Variants in SH3BGRL2 observed in about 807,000 individuals in gnomAD.
SH3BGRL2 encodes SH3 domain-binding glutamic acid-rich-like protein 2.
Under a neutral mutation model 14.8 loss-of-function variants are expected in SH3BGRL2, and 21 were observed. That is an observed-to-expected ratio of 1.42 (90% confidence interval 1.01 to 2.05). The LOEUF (loss-of-function observed/expected upper bound fraction) is 2.05. SH3BGRL2 is among the 30% of genes most tolerant of loss of function. SH3BGRL2 has a pLI of 0.00. For missense variants in SH3BGRL2, 147 were observed against 130.8 expected, an observed-to-expected ratio of 1.12 and a Z score of -0.61; for synonymous variants, 50 against 47.8, an observed-to-expected ratio of 1.05 and a Z score of -0.19.
the SH3BGRL2 span, among the ~76,000 whole-genome samples, chr6:79,554,271 G>A: frequency 4.6e-5 from 7 of 152,066 alleles, no homozygotes; most frequent in African/African-American, 7.2e-5. Context: ...TATCTAATGC[G>A]TTTAAAAAAA....
chr6:79,681,411 T>C (rs1056814283), intron 2 of SH3BGRL2, among the ~76,000 whole-genome samples: 6 of 152,096 alleles, frequency 3.9e-5, no homozygotes, highest in African/African-American at 7.2e-5. Flanking sequence ...TTTTTACTAG[T>C]TTTGTGAAGT....
chr6:79,697,972 C>G (rs1406670215), intron 3 of SH3BGRL2, among the ~76,000 whole-genome samples: 1 of 152,190 alleles, frequency 6.6e-6, no homozygotes, highest in Non-Finnish European at 1.5e-5. Context: ...AATGTATTTT[C>G]TCACCAGTTT....
chr6:79,561,234 CTT>C, the SH3BGRL2 span: 4 of 151,628 alleles, frequency 2.6e-5, no homozygotes, highest in African/African-American at 7.3e-5. Context: ...ATTTAATACT[CTT>C]AATAATACTA....
the SH3BGRL2 span, among the ~76,000 whole-genome samples, chr6:79,543,027 C>T: frequency 6.6e-6 from 1 of 152,136 alleles, no homozygotes; most frequent in South Asian, 2.1e-4. Context: ...ATGAAGATGA[C>T]CTCATGATCT....
the SH3BGRL2 span, among the ~76,000 whole-genome samples, chr6:79,541,514 C>T: frequency 6.6e-6 from 1 of 152,136 alleles, no homozygotes; most frequent in African/African-American, 2.4e-5. Flanking sequence ...CTTTCCCTTC[C>T]AGGTATGGCC....
chr6:79,681,929 G>A (rs751636825), intron 2 of SH3BGRL2, among the ~76,000 whole-genome samples: 8 of 151,636 alleles, frequency 5.3e-5, no homozygotes, highest in East Asian at 2.0e-4. Flanking sequence ...TCCAGCCTGG[G>A]GGACAGAGTG....
At chr6:79,569,819 A>G in the SH3BGRL2 span, among the ~76,000 whole-genome samples, 1 of 152,164 alleles carries the variant, frequency 6.6e-6, no homozygotes, top group East Asian at 1.9e-4. Flanking sequence ...GTCCGAATGC[A>G]TACCTACAGT....
intron 2 of SH3BGRL2, among the ~76,000 whole-genome samples, chr6:79,678,802 A>G (rs531256677): frequency 4.6e-5 from 7 of 152,204 alleles, no homozygotes; most frequent in East Asian, 1.9e-4. Flanking sequence ...CGCAGTGTCA[A>G]TTGTTTGCAT....
intron 2 of SH3BGRL2, among the ~76,000 whole-genome samples, chr6:79,683,743 G>A (rs528757107): frequency 2.6e-4 from 39 of 152,266 alleles, no homozygotes; most frequent in South Asian, 8.3e-4. Context: ...CACCGTGCTC[G>A]GCCGTAAACA....
At chr6:79,547,497 A>T in the SH3BGRL2 span, among the ~76,000 whole-genome samples, 3 of 152,170 alleles carry the variant, frequency 2.0e-5, no homozygotes, top group South Asian at 2.1e-4. Flanking sequence ...GAACATGCTG[A>T]ACTGGAGTGA....
chr6:79,593,462 T>C, the SH3BGRL2 span, among the ~76,000 whole-genome samples: 8 of 152,092 alleles, frequency 5.3e-5, no homozygotes, highest in Non-Finnish European at 1.2e-4. Context: ...AGAGGCAGCG[T>C]TGAGGAAACA....
intron 1 of SH3BGRL2, among the ~76,000 whole-genome samples, chr6:79,638,668 AT>A (rs1300170815): frequency 1.3e-5 from 2 of 151,906 alleles, no homozygotes; most frequent in African/African-American, 4.8e-5. Context: ...TTTCATTATC[AT>A]TTTGATTTGC....
the SH3BGRL2 span, among the ~76,000 whole-genome samples, chr6:79,613,620 C>CT: frequency 1.7e-4 from 26 of 150,308 alleles, no homozygotes; most frequent in African/African-American, 3.9e-4. Context: ...CTTTTTTTTT[C>CT]TTTTTTTTGA....
At chr6:79,594,535 G>T in the SH3BGRL2 span, among the ~76,000 whole-genome samples, 1 of 152,016 alleles carries the variant, frequency 6.6e-6, no homozygotes, top group Non-Finnish European at 1.5e-5. Flanking sequence ...TGTTCCTTCT[G>T]CTTGGGCGTG....
intron 1 of SH3BGRL2, among the ~76,000 whole-genome samples, chr6:79,640,086 G>A (rs1490098303): frequency 2.0e-5 from 3 of 152,174 alleles, no homozygotes; most frequent in Admixed American, 6.5e-5. Flanking sequence ...AGATAGTGAT[G>A]AATATGTGCC....
At chr6:79,586,736 A>T in the SH3BGRL2 span, among the ~76,000 whole-genome samples, 11 of 152,202 alleles carry the variant, frequency 7.2e-5, no homozygotes, top group African/African-American at 2.7e-4. Flanking sequence ...GGTGGCCTGG[A>T]AGCCTCAAAA....
At chr6:79,661,941 C>T (rs1453938908) in intron 1 of SH3BGRL2, among the ~76,000 whole-genome samples, 6 of 152,154 alleles carry the variant, frequency 3.9e-5, no homozygotes, top group Non-Finnish European at 7.4e-5. Flanking sequence ...TTATCAGAGA[C>T]TAGGATTGCA....
intron 2 of SH3BGRL2, among the ~76,000 whole-genome samples, chr6:79,683,112 G>A (rs1216024815): frequency 6.6e-6 from 1 of 152,068 alleles, no homozygotes; most frequent in African/African-American, 2.4e-5. Context: ...ATGAGTTGAT[G>A]GGTACAGCAA....
At chr6:79,596,742 C>G in the SH3BGRL2 span, among the ~76,000 whole-genome samples, 1 of 152,180 alleles carries the variant, frequency 6.6e-6, no homozygotes, top group East Asian at 1.9e-4. Flanking sequence ...TATCAAAATT[C>G]CAGCTGGTTT....
Sources: allele counts gnomAD v4.1 joint callset (sites outside exome capture counted in the v4.1 genomes callset), GRCh38; gene constraint gnomAD v4.1.1; transcripts MANE v1.5; gene names NCBI Gene and HGNC (gene_info 2026-07-23, HGNC 2026-07-21).